The following CDH13 variants were observed in gnomAD, a reference collection of about 807,000 sequenced individuals.
CDH13 encodes cadherin-13.
A neutral mutation model predicts 63.8 loss-of-function variants in CDH13; 24 were observed. The ratio of observed to expected loss-of-function variants is 0.38; its 90% CI spans 0.27 to 0.53. The LOEUF is 0.53. CDH13 is among the 20% of genes least tolerant of loss of function. The pLI is 0.85. For synonymous variants in CDH13, 503 were observed against 355.3 expected (o/e 1.42, Z -4.67); for missense variants, 1,049 against 903.1 (o/e 1.16, Z -2.07).
In CDH13 at chr16:82,790,602, C is replaced by T. The variant is rs187660752; in HGVS notation, c.46-67760C>T. ...AGGGTAGTGTATTAGTCCCTTCTCA[C>T]GTTGCTTTAAGGAAATACCGGAGAC... On this transcript the variant is annotated intron_variant, in intron 1 of 13. Coordinates refer to ENST00000567109, the MANE Select transcript of CDH13 (RefSeq NM_001257.5). Among the ~76,000 whole-genome samples the T allele has an allele frequency of 2.4e-3, 371 of 152,180 alleles. 3 individuals carry two copies. Among genetic ancestry groups the T allele is most frequent in the African/African-American group, 8.8e-3 (364 of 41,514 alleles).
At chr16:82,690,485 G>A (rs868091913) in intron 1 of CDH13, among the ~76,000 whole-genome samples, 4 of 152,164 alleles carry the variant, frequency 2.6e-5, no homozygotes, top group African/African-American at 9.7e-5. Context: ...TGATCCAGAA[G>A]AGGAAGCACA....
intron 1 of CDH13, among the ~76,000 whole-genome samples, chr16:82,717,649 C>T (rs1030766507): frequency 6.6e-6 from 1 of 152,180 alleles, no homozygotes; most frequent in Non-Finnish European, 1.5e-5. Flanking sequence ...CCTTTTGTGT[C>T]CAATATTCCT....
At chr16:82,982,099 A>T (rs1380604855) in intron 2 of CDH13, among the ~76,000 whole-genome samples, 4 of 152,186 alleles carry the variant, frequency 2.6e-5, no homozygotes, top group Non-Finnish European at 2.9e-5. Flanking sequence ...TAAGTGTATG[A>T]TCTTAGGCAA....
intron 3 of CDH13, among the ~76,000 whole-genome samples, chr16:83,069,180 G>C (rs149514042): frequency 6.6e-6 from 1 of 152,070 alleles, no homozygotes; most frequent in Non-Finnish European, 1.5e-5. Context: ...TTGTCAATGC[G>C]CATTTTCCAA....
chr16:83,192,765 T>C (rs1322015591), intron 4 of CDH13, among the ~76,000 whole-genome samples: 1 of 152,108 alleles, frequency 6.6e-6, no homozygotes, highest in African/African-American at 2.4e-5. Flanking sequence ...TATCTTGTGG[T>C]GACCTGATGC....
Position 83,047,891 on chromosome 16 carries a change from G to T in CDH13, c.366+15673G>T, listed in dbSNP as rs1917947324. On this transcript the variant is annotated intron_variant, in intron 3 of 13. Coordinates refer to ENST00000567109, the MANE Select transcript of CDH13 (RefSeq NM_001257.5). This position sits in a 1 kb window ranked among gnomAD's most constrained non-coding sequence, Gnocchi z 4.9. ...TATCTTCATTTTACAGGTGAATAAA[G>T]GAAGACGGGGAGACTATGTGTGACC... is the stretch of plus-strand genomic sequence containing the variant. Among the ~76,000 whole-genome samples, 1 of 152,120 alleles carries T rather than the reference G, an allele frequency of 6.6e-6. No homozygotes were observed. The highest frequency in any genetic ancestry group is 6.6e-5 in the Admixed American group (1 of 15,262).
chr16:82,779,146 A>C (rs941814378), intron 1 of CDH13, among the ~76,000 whole-genome samples: 3 of 152,236 alleles, frequency 2.0e-5, no homozygotes, highest in Non-Finnish European at 4.4e-5. Context: ...ATACGTAAGT[A>C]GCAGTTACTG....
intron 2 of CDH13, among the ~76,000 whole-genome samples, chr16:82,914,954 C>T (rs148868124): frequency 2.6e-5 from 4 of 152,202 alleles, no homozygotes; most frequent in Non-Finnish European, 4.4e-5. Flanking sequence ...CAATGTCTTT[C>T]CCTCCCTCCT....
At chr16:83,082,342 C>T (rs1425682620) in intron 3 of CDH13, among the ~76,000 whole-genome samples, 4 of 152,078 alleles carry the variant, frequency 2.6e-5, no homozygotes, top group Non-Finnish European at 5.9e-5. Flanking sequence ...GAACATTTTC[C>T]AGATTCAGAA....
At chr16:82,675,289 A>G (rs1472968860) in intron 1 of CDH13, among the ~76,000 whole-genome samples, 1 of 152,180 alleles carries the variant, frequency 6.6e-6, no homozygotes, top group Non-Finnish European at 1.5e-5. Context: ...TATTTTTCAT[A>G]AATTTATCTA....
At chr16:83,429,044 G>C (rs188406664) in intron 6 of CDH13, among the ~76,000 whole-genome samples, 8 of 152,338 alleles carry the variant, frequency 5.3e-5, no homozygotes, top group Admixed American at 5.2e-4. Flanking sequence ...TGATAAGACA[G>C]TTACCAAAGG....
At chr16:83,695,448 G>A (rs1905281536) in intron 10 of CDH13, among the ~76,000 whole-genome samples, 1 of 152,164 alleles carries the variant, frequency 6.6e-6, no homozygotes. Flanking sequence ...CAACCTGCGT[G>A]GCAGATGCTC....
chr16:83,216,237 G>T (rs1407263870), intron 4 of CDH13, among the ~76,000 whole-genome samples: 2 of 150,856 alleles, frequency 1.3e-5, no homozygotes, highest in Non-Finnish European at 3.0e-5. Context: ...CGACAGTGTT[G>T]TATGTTGTAT....
intron 5 of CDH13, among the ~76,000 whole-genome samples, chr16:83,241,181 C>T (rs1355902028): frequency 6.6e-6 from 1 of 152,154 alleles, no homozygotes; most frequent in South Asian, 2.1e-4. Context: ...TTCAAGAATG[C>T]ATCATAGTTC....
chr16:83,350,705 C>G (rs1049323702), intron 6 of CDH13, among the ~76,000 whole-genome samples: 14 of 152,108 alleles, frequency 9.2e-5, no homozygotes, highest in African/African-American at 3.4e-4. Flanking sequence ...TCCAATAAAT[C>G]AGAAAGAAAA....
chr16:83,119,306 C>T (rs2035456294), intron 3 of CDH13, among the ~76,000 whole-genome samples: 1 of 152,176 alleles, frequency 6.6e-6, no homozygotes, highest in Non-Finnish European at 1.5e-5. Context: ...CCATTGTCTC[C>T]ATGTCTTGCA....
At chr16:82,649,283 A>G (rs3910223) in intron 1 of CDH13, among the ~76,000 whole-genome samples, 69,750 of 151,972 alleles carry the variant, frequency 0.46, 16,829 homozygotes, top group African/African-American at 0.62. Context: ...ATAGAAGGAT[A>G]GATGATGGAT....
At chr16:82,752,462 C>T (rs968562109) in intron 1 of CDH13, among the ~76,000 whole-genome samples, 1 of 152,174 alleles carries the variant, frequency 6.6e-6, no homozygotes, top group African/African-American at 2.4e-5. Context: ...TGAATTAGTC[C>T]AGAGCCCTGT....
intron 3 of CDH13, among the ~76,000 whole-genome samples, chr16:83,110,458 G>T (rs1233941938): frequency 6.6e-6 from 1 of 152,202 alleles, no homozygotes; most frequent in Admixed American, 6.5e-5. Context: ...GAAAGTTCCC[G>T]AAGGGGTGCC....
Sources: allele counts gnomAD v4.1 joint callset (sites outside exome capture counted in the v4.1 genomes callset), GRCh38; gene constraint gnomAD v4.1.1; non-coding constraint Gnocchi (gnomAD v3.1); transcripts MANE v1.5; gene names NCBI Gene and HGNC (gene_info 2026-07-23, HGNC 2026-07-21).